The following F8 variants were observed in gnomAD, a reference collection of about 807,000 sequenced individuals.
F8 encodes the protein antihemophilic factor.
In F8, 12 loss-of-function variants were observed where a neutral mutation model predicts 140.6. That is an observed-to-expected ratio of 0.09 (90% CI 0.05 to 0.14). The LOEUF is 0.14. F8 is among the 10% of genes least tolerant of loss of function. F8 has a pLI of 1.00. For missense variants in F8, 1,354 were observed against 1,720.7 expected (o/e 0.79, Z 3.77); for synonymous variants, 585 against 614.6 (o/e 0.95, Z 0.71).
At chrX:154,952,688 G>A (rs1007915596) in intron 12 of F8, among the ~76,000 whole-genome samples, 3 of 110,384 alleles carry the variant, frequency 2.7e-5, no homozygotes, top group African/African-American at 9.9e-5. Flanking sequence ...GACTACAGGC[G>A]GCCGCCACCA....
chrX:154,957,896 A>G (rs1180885373), intron 10 of F8, among the ~76,000 whole-genome samples: 2 of 109,110 alleles, frequency 1.8e-5, no homozygotes, highest in South Asian at 4.0e-4. Context: ...AAAAAAAAAA[A>G]AGAAAGAAAG....
intron 17 of F8, 41 bp from the exon 18 acceptor site, chrX:154,904,129 TAA>T (rs1557276140): frequency 8.4e-6 from 10 of 1,191,852 alleles, no homozygotes. Flanking sequence ...ATCTATTATA[TAA>T]GTTTCTTTCT....
At chrX:154,868,508 T>C (rs1310559430) in intron 22 of F8, among the ~76,000 whole-genome samples, 1 of 111,479 alleles carries the variant, frequency 9.0e-6, no homozygotes, top group Non-Finnish European at 1.9e-5. Context: ...AGGGATTTTG[T>C]CACCATCAGA....
chrX:155,015,077 C>G (rs1029783585), intron 1 of F8, among the ~76,000 whole-genome samples: 3 of 112,303 alleles, frequency 2.7e-5, no homozygotes, highest in Non-Finnish European at 5.6e-5. Context: ...CACAGATATA[C>G]ACATCTATGG....
In F8 at chrX:154,982,247, A is replaced by G. The variant is rs781862771; in HGVS notation, c.787+2440T>C. 2.4e-4 allele frequency among the ~76,000 whole-genome samples: 26 copies of G among 107,007 alleles called. No homozygotes were observed. In the East Asian group the frequency reaches 4.4e-3, roughly 18 times the overall value. 92.9% of individuals were successfully genotyped at this position (107,007 alleles called of 115,157 possible). The stretch of plus-strand genomic sequence containing the variant: ...TGGATCACGAGGTCAGGAGATCGAG[A>G]CCATCCTGGCTAACACAATGAAACC... On this transcript the variant is annotated intron_variant, in intron 6 of 25. Coordinates refer to ENST00000360256, the MANE Select transcript of F8 (RefSeq NM_000132.4).
At chrX:154,998,193 T>C (rs2073627668) in intron 2 of F8, among the ~76,000 whole-genome samples, 1 of 112,998 alleles carries the variant, frequency 8.8e-6, no homozygotes, top group Non-Finnish European at 1.9e-5. Context: ...CAGTCCAGTC[T>C]AATACCAAAT....
chrX:154,962,801 G>A (rs1557281679), intron 9 of F8, among the ~76,000 whole-genome samples: 1 of 110,381 alleles, frequency 9.1e-6, no homozygotes, highest in Non-Finnish European at 1.9e-5. Flanking sequence ...AGGAAGTTGA[G>A]GCTGCAGTAG....
Position 154,904,467 on chromosome X carries a change from G to T in F8, c.5644C>A (p.Leu1882Met). 8.3e-7 allele frequency: 1 copy of T among 1,211,629 alleles called. No individual in the cohort carries two copies. The highest frequency in any genetic ancestry group is 2.3e-4 in the Middle Eastern group (1 of 4,351). The change falls in exon 17 of 26, where the codon CTG becomes ATG. Residue 1882 changes from leucine (L) to methionine (M), a missense_variant. By Grantham distance (15) the Leu-to-Met change is conservative. Transcript: ENST00000360256. ...ACTTGTCTCCCATGAGCAGGGTTCA[G>T]TGTGTTAGTGTGGCAGACCAGAAGG... Reference protein sequence around the residue: ...GPLLVCHTNTLNPAHGRQVTV... With the variant: ...GPLLVCHTNTMNPAHGRQVTV...
In F8 at chrX:154,993,158, G is replaced by A; in HGVS notation, c.389-10C>T. On this transcript the variant is annotated splice_polypyrimidine_tract_variant and intron_variant, in intron 3 of 25. Transcript: ENST00000360256. ...TCATCATATTCAGCTCCTATAGCAG[G>A]AAGAAATAAAATTGTCCTTTCTATA... 8.4e-7 allele frequency: 1 copy of A among 1,196,989 alleles called. No individual in the cohort carries two copies. Among genetic ancestry groups the A allele is most frequent in the Non-Finnish European group, 1.1e-6 (1 of 882,569 alleles).
Position 154,931,304 on chromosome X carries a change from T to C in F8, c.2486A>G (p.Glu829Gly), listed in dbSNP as rs782372576. 6.6e-6 allele frequency: 8 copies of C among 1,210,895 alleles called. No individual in the cohort carries two copies. Among genetic ancestry groups the C allele is most frequent in the Non-Finnish European group, 8.9e-6 (8 of 894,865 alleles). Residue 829 changes from glutamate to glycine, a missense_variant, in exon 14 of 26, where the codon GAA becomes GGA. Coordinates refer to ENST00000360256, the MANE Select transcript of F8 (RefSeq NM_000132.4). The part of the protein sequence containing the change: ...PHGLSLSDLQ[E>G]AKYETFSDDP... ...ATCAGAAAAAGTCTCATATTTGGCT[T>C]CTTGGAGATCAGATAAGGATAGCCC...
chrX:154,956,821 A>T, intron 11 of F8, 136 bp downstream of exon 11: 1 of 602,001 alleles, frequency 1.7e-6, no homozygotes, highest in Non-Finnish European at 2.9e-6. Flanking sequence ...CACGTTTACT[A>T]CGTGAAACTC....
chrX:154,958,099 G>A (rs956376289), intron 10 of F8, among the ~76,000 whole-genome samples: 1 of 110,819 alleles, frequency 9.0e-6, no homozygotes, highest in Non-Finnish European at 1.9e-5. Flanking sequence ...GTGCCCAAAT[G>A]CTGGTCTTTT....
intron 25 of F8, among the ~76,000 whole-genome samples, chrX:154,851,254 T>C (rs1221780378): frequency 8.9e-6 from 1 of 112,829 alleles, no homozygotes; most frequent in Non-Finnish European, 1.9e-5. Flanking sequence ...TAATAGTCCA[T>C]ATATGGATAG....
chrX:154,974,240 T>C (rs887563605), intron 6 of F8, among the ~76,000 whole-genome samples: 2 of 111,950 alleles, frequency 1.8e-5, no homozygotes, highest in Non-Finnish European at 1.9e-5. Flanking sequence ...CTTATTCCAG[T>C]TCTTAAAGGA....
intron 7 of F8, 42 bp downstream of exon 7, chrX:154,969,289 C>T (rs781864613): frequency 9.0e-7 from 1 of 1,110,279 alleles, no homozygotes; most frequent in Non-Finnish European, 1.2e-6. Flanking sequence ...AAAAGTAGGA[C>T]TGGATATTTA....
intron 22 of F8, among the ~76,000 whole-genome samples, chrX:154,875,907 T>C (rs1177910927): frequency 9.0e-6 from 1 of 110,680 alleles, no homozygotes; most frequent in African/African-American, 3.3e-5. Flanking sequence ...TTACATAACA[T>C]ATTCAAGAGA....
intron 14 of F8, among the ~76,000 whole-genome samples, chrX:154,925,105 C>T (rs1370264895): frequency 8.9e-6 from 1 of 112,672 alleles, no homozygotes; most frequent in African/African-American, 3.2e-5. Context: ...GCTTGAATTT[C>T]TCCTCAGAAA....
chrX:154,922,107 C>T (rs1300621276), intron 14 of F8, among the ~76,000 whole-genome samples: 1 of 112,472 alleles, frequency 8.9e-6, no homozygotes, highest in Non-Finnish European at 1.9e-5. Flanking sequence ...TCTTCCCATA[C>T]TCAATTAACA....
intron 1 of F8, among the ~76,000 whole-genome samples, chrX:155,007,898 G>A (rs1557286190): frequency 9.1e-6 from 1 of 110,438 alleles, no homozygotes; most frequent in African/African-American, 3.3e-5. Context: ...CCAGCTTCTC[G>A]GTGGCCAGAC....
Sources: allele counts gnomAD v4.1 joint callset (sites outside exome capture counted in the v4.1 genomes callset), GRCh38; gene constraint gnomAD v4.1.1; transcripts MANE v1.5; gene names NCBI Gene and HGNC (gene_info 2026-07-23, HGNC 2026-07-21).